GOPC: variants seen among roughly 807,000 people sequenced by gnomAD.
The protein encoded by GOPC is golgi associated PDZ and coiled-coil motif containing, also known as Golgi-associated PDZ and coiled-coil motif-containing protein.
Under a neutral mutation model 51.2 loss-of-function variants are expected in GOPC, and 32 were observed. That is an observed-to-expected ratio of 0.63 (90% confidence interval 0.47 to 0.84). The LOEUF (loss-of-function observed/expected upper bound fraction) is 0.84, where lower values mean the gene tolerates loss of function less well. Among genes scored for constraint, GOPC ranks in the 40% least tolerant of loss-of-function variants. The pLI is 0.00. For missense variants in GOPC, 441 were observed against 555.5 expected, an observed-to-expected ratio of 0.79 and a Z score of 2.07; for synonymous variants, 190 against 205.1, an observed-to-expected ratio of 0.93 and a Z score of 0.63.
In GOPC at chr6:117,602,269, C is replaced by A; in HGVS notation, c.20G>T (p.Cys7Phe). The A allele has an allele frequency of 2.5e-6, 4 of 1,592,340 alleles. No individual in the cohort carries two copies. Among genetic ancestry groups the A allele is most frequent in the Non-Finnish European group, 3.4e-6 (4 of 1,176,724 alleles). ...TGGGCCCCCTCCGGCTGCTGCTGGGCATGGACCGCCCGCCGACATGGCGCC... is the reference window on the plus strand; with the variant it reads ...TGGGCCCCCTCCGGCTGCTGCTGGGAATGGACCGCCCGCCGACATGGCGCC... MSAGGP[C>F]PAAAGGGPGG... Residue 7 changes from cysteine to phenylalanine, a missense_variant, in exon 1 of 9, where the codon TGC (cysteine) becomes TTC (phenylalanine). By Grantham distance (205) the Cys-to-Phe change is radical. This residue lies in a region of GOPC where 204 missense variants were observed against 219.8 expected (regional missense o/e 0.93). Coordinates refer to ENST00000368498, the MANE Select transcript of GOPC (RefSeq NM_020399.4).
In GOPC at chr6:117,573,493, G is replaced by A. The variant is rs750683445; in HGVS notation, c.790C>T (p.Arg264Ter). The A allele has an allele frequency of 3.7e-6, 6 of 1,613,784 alleles. No homozygotes were observed. Among genetic ancestry groups the A allele is most frequent in the African/African-American group, 1.3e-5 (1 of 74,912 alleles). The change falls in exon 5 of 9, where the codon CGA becomes TGA. Residue 264 changes from arginine to a stop codon, truncating the protein, a stop_gained. Coordinates refer to ENST00000368498, the MANE Select transcript of GOPC (RefSeq NM_020399.4). LOFTEE classifies it high-confidence loss of function. ...RACRGRNDLK[R>*]PMQAPPGHDQ... ...TGGCCTGGTGGTGCTTGCATTGGTC[G>A]TTTCAAGTCATTACGTCCTCTGCAG...
intron 1 of GOPC, among the ~76,000 whole-genome samples, chr6:117,590,543 G>T (rs996189434): frequency 7.4e-6 from 1 of 135,768 alleles, no homozygotes; most frequent in African/African-American, 2.9e-5. Flanking sequence ...CTACACTCCA[G>T]CCTGGGCAAC....
At chr6:117,595,250 T>TA (rs1185779383) in intron 1 of GOPC, among the ~76,000 whole-genome samples, 3 of 152,222 alleles carry the variant, frequency 2.0e-5, no homozygotes, top group Non-Finnish European at 4.4e-5. Flanking sequence ...TGGCGTCAGT[T>TA]AGTCTAAATC....
At chr6:117,601,878 C>T (rs1772019322) in intron 1 of GOPC, 126 bp downstream of exon 1, 3 of 1,059,706 alleles carry the variant, frequency 2.8e-6, no homozygotes, top group Non-Finnish European at 4.1e-6. Flanking sequence ...GACATGCACT[C>T]TCCCATCACA....
chr6:117,581,243 G>A (rs1779953274), intron 1 of GOPC, among the ~76,000 whole-genome samples: 1 of 152,144 alleles, frequency 6.6e-6, no homozygotes, highest in African/African-American at 2.4e-5. Context: ...GGCCCAAGAG[G>A]TAGAAGAAAA....
chr6:117,573,349 T>G, intron 5 of GOPC, 118 bp downstream of exon 5: 1 of 1,187,058 alleles, frequency 8.4e-7, no homozygotes, highest in East Asian at 2.6e-5. Context: ...TTGAATCCCA[T>G]TTTCACTTTT....
chr6:117,578,554 A>C (rs1779915353), intron 2 of GOPC, among the ~76,000 whole-genome samples: 1 of 152,068 alleles, frequency 6.6e-6, no homozygotes, highest in Admixed American at 6.6e-5. Flanking sequence ...TTCAAGAATA[A>C]TCCCAATGTT....
At chr6:117,593,638 T>A (rs1780151541) in intron 1 of GOPC, among the ~76,000 whole-genome samples, 1 of 152,204 alleles carries the variant, frequency 6.6e-6, no homozygotes, top group Admixed American at 6.5e-5. Flanking sequence ...GGAGTAACTA[T>A]ACTAATAAAC....
At chr6:117,598,629 G>A (rs1469832978) in intron 1 of GOPC, among the ~76,000 whole-genome samples, 1 of 152,182 alleles carries the variant, frequency 6.6e-6, no homozygotes, top group Non-Finnish European at 1.5e-5. Context: ...AACAGGAACA[G>A]GATTTGTGCT....
chr6:117,575,846 C>T (rs1267265418), intron 3 of GOPC, among the ~76,000 whole-genome samples: 1 of 152,146 alleles, frequency 6.6e-6, no homozygotes, highest in Non-Finnish European at 1.5e-5. Flanking sequence ...ACATTATTCC[C>T]TATACCCCCT....
At chr6:117,589,533 G>A (rs1318931253) in intron 1 of GOPC, among the ~76,000 whole-genome samples, 2 of 152,090 alleles carry the variant, frequency 1.3e-5, no homozygotes, top group Non-Finnish European at 2.9e-5. Flanking sequence ...TGGTCAGGCT[G>A]GTCTTGAACT....
chr6:117,588,621 C>T (rs1780067871), intron 1 of GOPC, among the ~76,000 whole-genome samples: 1 of 151,960 alleles, frequency 6.6e-6, no homozygotes, highest in African/African-American at 2.4e-5. Context: ...TGCTATTCTT[C>T]TAAAACATTT....
chr6:117,601,216 C>A (rs974208025), intron 1 of GOPC, among the ~76,000 whole-genome samples: 1 of 152,142 alleles, frequency 6.6e-6, no homozygotes, highest in African/African-American at 2.4e-5. Context: ...TTAATAATGT[C>A]CTTTTTAAAT....
chr6:117,598,704 G>C (rs1399448047), intron 1 of GOPC, among the ~76,000 whole-genome samples: 1 of 152,186 alleles, frequency 6.6e-6, no homozygotes, highest in Non-Finnish European at 1.5e-5. Context: ...AGGTCAGGCT[G>C]TAATGCTCTC....
At chr6:117,591,857 G>A (rs9489223) in intron 1 of GOPC, among the ~76,000 whole-genome samples, 86,257 of 152,064 alleles carry the variant, frequency 0.57, 25,685 homozygotes, top group East Asian at 0.79. Flanking sequence ...CAAACCACTA[G>A]TATGAATCAC....
intron 1 of GOPC, among the ~76,000 whole-genome samples, chr6:117,591,992 T>C (rs907584301): frequency 3.3e-5 from 5 of 152,198 alleles, no homozygotes; most frequent in Admixed American, 6.5e-5. Flanking sequence ...TCTCATTATC[T>C]TTCCCAGACC....
At chr6:117,571,010 T>C (rs1206158319) in intron 5 of GOPC, 55 bp from the exon 6 acceptor site, 2 of 808,678 alleles carry the variant, frequency 2.5e-6, no homozygotes, top group African/African-American at 3.4e-5. Flanking sequence ...GCATACCAAA[T>C]AGAGTAAACT....
chr6:117,568,021 C>A (rs1425973127), intron 7 of GOPC, among the ~76,000 whole-genome samples: 4 of 126,674 alleles, frequency 3.2e-5, no homozygotes, highest in Non-Finnish European at 6.5e-5. Context: ...CAAAACCCAT[C>A]TCTACAAAAA....
At chr6:117,582,356 G>A (rs1425697635) in intron 1 of GOPC, among the ~76,000 whole-genome samples, 2 of 151,188 alleles carry the variant, frequency 1.3e-5, no homozygotes, top group Middle Eastern at 3.2e-3. Context: ...ATGGGGGTGT[G>A]TCCTCGGCAA....
Sources: gnomAD v4.1 joint callset for allele counts (sites outside exome capture counted in the v4.1 genomes callset) on GRCh38, gnomAD v4.1.1 for gene constraint, gnomAD v4.1.1 regional missense constraint, MANE v1.5 for transcripts, NCBI Gene and HGNC (gene_info 2026-07-23, HGNC 2026-07-21) for gene names.